CLEC16A: variants seen among roughly 807,000 people sequenced by gnomAD.
The protein encoded by CLEC16A is C-type lectin domain containing 16A.
A neutral mutation model predicts 109.5 loss-of-function variants in CLEC16A; 51 were observed. That is an observed-to-expected ratio of 0.47 (90% CI 0.37 to 0.59). CLEC16A has a LOEUF of 0.59. Among genes scored for constraint, CLEC16A ranks in the 20% least tolerant of loss-of-function variants. The pLI is 0.00. For synonymous variants in CLEC16A, 673 were observed against 564.2 expected (o/e 1.19, Z -2.73); for missense variants, 1,339 against 1,394.0 (o/e 0.96, Z 0.63).
chr16:11,132,468 A>G (rs1340167344), intron 22 of CLEC16A, among the ~76,000 whole-genome samples: 2 of 151,972 alleles, frequency 1.3e-5, no homozygotes, highest in Non-Finnish European at 2.9e-5. Flanking sequence ...ATCAATGCAC[A>G]TTTGGGCTGT....
rs199556448 is a variant in CLEC16A, at chr16:10,973,059, G to A, written c.726G>A (p.Glu242=). ...TCGATGACTGCGTGCAGACTGATGA[G>A]GAGTAAGTGACACCCCCAGGGCCAC... ...IELDDCVQTD[E]EHRNRGKLSD... The change falls in exon 7 of 24, where the codon GAG becomes GAA. Residue 242 remains glutamate, a splice_region_variant and synonymous_variant. Coordinates refer to ENST00000409790, the MANE Select transcript of CLEC16A (RefSeq NM_015226.3). 6.4e-5 allele frequency: 103 copies of A among 1,602,616 alleles called. No homozygotes were observed. The highest frequency in any genetic ancestry group is 8.7e-5 in the Non-Finnish European group (102 of 1,174,130).
chr16:11,007,093 G>A (rs972328062), intron 11 of CLEC16A, among the ~76,000 whole-genome samples: 2 of 152,138 alleles, frequency 1.3e-5, no homozygotes, highest in Non-Finnish European at 2.9e-5. Context: ...AACTTAATAA[G>A]CATATCCTAG....
At chr16:11,080,807 C>G (rs2049665837) in intron 19 of CLEC16A, among the ~76,000 whole-genome samples, 1 of 152,254 alleles carries the variant, frequency 6.6e-6, no homozygotes, top group African/African-American at 2.4e-5. Flanking sequence ...CTGCCTCACT[C>G]TTTCACTTTT....
At chr16:11,096,768 C>G (rs1440951779) in intron 19 of CLEC16A, among the ~76,000 whole-genome samples, 1 of 152,108 alleles carries the variant, frequency 6.6e-6, no homozygotes, top group Non-Finnish European at 1.5e-5. Flanking sequence ...TCTTGGTTGG[C>G]AAATGTAGGA....
At chr16:10,991,721 A>G (rs1050071372) in intron 10 of CLEC16A, among the ~76,000 whole-genome samples, 3 of 152,222 alleles carry the variant, frequency 2.0e-5, no homozygotes, top group Non-Finnish European at 4.4e-5. Flanking sequence ...AATCAAACAC[A>G]TATCTCTAAT....
chr16:11,155,401 G>C (rs2054471234), intron 22 of CLEC16A, among the ~76,000 whole-genome samples: 2 of 152,202 alleles, frequency 1.3e-5, no homozygotes, highest in South Asian at 2.1e-4. Context: ...CCTGTAGCCA[G>C]AGTAAAAGTG....
At position 10,982,912 on chromosome 16, in the gene CLEC16A, A is replaced by G; in HGVS notation, c.992A>G (p.Asn331Ser). Reference protein sequence around the residue: ...FLIIHHAPLVNSLAEVILNGD... With the variant: ...FLIIHHAPLVSSLAEVILNGD... ...ATTATACATCATGCACCGCTGGTGA[A>G]CTCGTTAGCTGAAGTCATTCTGAAT... Residue 331 changes from asparagine to serine, a missense_variant, in exon 10 of 24, where the codon AAC becomes AGC. Asn to Ser is a conservative substitution (Grantham distance 46). Coordinates refer to ENST00000409790, the MANE Select transcript of CLEC16A (RefSeq NM_015226.3). The G allele has an allele frequency of 6.2e-7, 1 of 1,612,104 alleles. No individual in the cohort carries two copies. The highest frequency in any genetic ancestry group is 8.5e-7 in the Non-Finnish European group (1 of 1,178,202).
intron 19 of CLEC16A, among the ~76,000 whole-genome samples, chr16:11,075,903 C>G (rs1242036827): frequency 6.6e-6 from 1 of 152,152 alleles, no homozygotes; most frequent in African/African-American, 2.4e-5. Flanking sequence ...ATCCAAACCC[C>G]ACTACTCCTC....
chr16:11,035,170 A>G (rs1454466215), intron 13 of CLEC16A, among the ~76,000 whole-genome samples: 1 of 152,218 alleles, frequency 6.6e-6, no homozygotes, highest in African/African-American at 2.4e-5. Context: ...TTGCTTTTTC[A>G]CTTGCCTTTG....
chr16:11,100,055 A>G (rs1036523049), intron 19 of CLEC16A, among the ~76,000 whole-genome samples: 1 of 152,198 alleles, frequency 6.6e-6, no homozygotes, highest in Middle Eastern at 3.4e-3. Flanking sequence ...CCTATGACAC[A>G]CTTATTTACT....
chr16:11,151,334 C>T (rs1448101619), intron 22 of CLEC16A, among the ~76,000 whole-genome samples: 1 of 152,176 alleles, frequency 6.6e-6, no homozygotes, highest in East Asian at 1.9e-4. Flanking sequence ...GCCAAATTGC[C>T]TTCCAGAAAG....
At chr16:11,141,863 T>A (rs561239386) in intron 22 of CLEC16A, among the ~76,000 whole-genome samples, 1 of 152,290 alleles carries the variant, frequency 6.6e-6, no homozygotes, top group East Asian at 1.9e-4. Flanking sequence ...CCATTTGTGA[T>A]CTCAGTAACC....
intron 23 of CLEC16A, among the ~76,000 whole-genome samples, chr16:11,175,488 A>G (rs1437992122): frequency 3.3e-5 from 5 of 152,182 alleles, no homozygotes; most frequent in African/African-American, 1.2e-4. Context: ...GCACTTGACT[A>G]GAAAAAAGTG....
intron 1 of CLEC16A, among the ~76,000 whole-genome samples, chr16:10,946,761 G>A (rs1428748834): frequency 1.3e-5 from 2 of 152,190 alleles, no homozygotes; most frequent in Non-Finnish European, 2.9e-5. Flanking sequence ...AGGACTGCCT[G>A]TGTGTTAATT....
intron 18 of CLEC16A, among the ~76,000 whole-genome samples, chr16:11,052,278 T>C (rs2047988520): frequency 6.6e-6 from 1 of 152,198 alleles, no homozygotes; most frequent in Non-Finnish European, 1.5e-5. Flanking sequence ...CCATCACCTT[T>C]TCCTAGAAAA....
chr16:11,135,661 T>C (rs2053515601), intron 22 of CLEC16A, among the ~76,000 whole-genome samples: 2 of 152,312 alleles, frequency 1.3e-5, no homozygotes, highest in Middle Eastern at 3.4e-3. Context: ...TGGTTGCTAA[T>C]AGAGAAGCCC....
intron 21 of CLEC16A, 79 bp from the exon 22 acceptor site, chr16:11,125,900 G>A (rs1037776913): frequency 1.5e-5 from 6 of 413,310 alleles, no homozygotes; most frequent in African/African-American, 4.5e-5. Flanking sequence ...CAGCCACTAC[G>A]ATGTCCCCCC....
At chr16:11,169,562 C>T (rs990814242) in intron 23 of CLEC16A, among the ~76,000 whole-genome samples, 2 of 152,238 alleles carry the variant, frequency 1.3e-5, no homozygotes, top group African/African-American at 4.8e-5. Context: ...GCTGGCATTA[C>T]AGGCATGAGC....
rs2068971514 is a variant in CLEC16A at position 11,182,018 on chromosome 16, G to A, written c.*3328G>A. Reference sequence around the variant, plus strand: ...AATAATTTTTGTCCCAGTGAGAACCGAGGGTTAGAAAACCTCGATGCCTCT... The same window carrying A: ...AATAATTTTTGTCCCAGTGAGAACCAAGGGTTAGAAAACCTCGATGCCTCT... On this transcript the variant is annotated 3_prime_UTR_variant, in exon 24 of 24. Coordinates refer to ENST00000409790, the MANE Select transcript of CLEC16A (RefSeq NM_015226.3). The A allele has an allele frequency of 1.3e-5, 2 of 152,536 alleles. No homozygotes were observed. The highest frequency in any genetic ancestry group is 6.5e-5 in the Admixed American group (1 of 15,280). 9.4% of individuals were successfully genotyped at this position (152,536 alleles called of 1,614,324 possible). A position where few individuals can be genotyped will look rare whatever the true frequency, so the allele number is the denominator to read the frequency against.
Sources: allele counts gnomAD v4.1 joint callset (sites outside exome capture counted in the v4.1 genomes callset), GRCh38; gene constraint gnomAD v4.1.1; transcripts MANE v1.5; gene names NCBI Gene and HGNC (gene_info 2026-07-23, HGNC 2026-07-21).